The following GAS2L1 variants were observed in gnomAD, a reference collection of about 807,000 sequenced individuals.
GAS2L1 encodes the protein growth arrest specific 2 like 1, also known as GAS2-like protein 1.
In GAS2L1, 26 loss-of-function variants were observed where a neutral mutation model predicts 44.0. That is an observed-to-expected ratio of 0.59 (90% CI 0.43 to 0.82). The LOEUF is 0.82. Ranked by LOEUF, GAS2L1 falls within the 40% of genes least tolerant of loss-of-function variation. The pLI, the probability that GAS2L1 is intolerant of heterozygous loss-of-function variation, is 0.00. For missense variants in GAS2L1, 1,006 were observed against 983.0 expected, an observed-to-expected ratio of 1.02 and a Z score of -0.31; for synonymous variants, 426 against 415.9, an observed-to-expected ratio of 1.02 and a Z score of -0.30.
exon 5 of GAS2L1, chr22:29,312,515 C>G (rs1305604968): frequency 1.0e-5 from 15 of 1,477,706 alleles, no homozygotes; most frequent in Non-Finnish European, 1.4e-5. Context: ...GCTCAGCTGT[C>G]CCCAGACCCC....
intron 1 of GAS2L1, 106 bp downstream of exon 2, chr22:29,308,844 C>T: frequency 3.3e-6 from 3 of 908,364 alleles, no homozygotes; most frequent in Non-Finnish European, 4.7e-6. Context: ...GAACAGTCTG[C>T]CCCACAAAAA....
exon 5 of GAS2L1, chr22:29,311,784 C>G (rs773843884): frequency 5.1e-6 from 8 of 1,565,090 alleles, no homozygotes; most frequent in Non-Finnish European, 6.9e-6. Flanking sequence ...GCAGGCTGTG[C>G]TGCTTGTGCG....
At chr22:29,306,780 G>C (rs57366496), upstream of GAS2L1, 1 of 152,398 alleles carries the variant, frequency 6.6e-6, no homozygotes, top group Non-Finnish European at 1.5e-5. Context: ...GTTGGACGGG[G>C]CCCCGGGTAC....
chr22:29,312,068 C>T (rs769577656), exon 5 of GAS2L1: 11 of 1,612,684 alleles, frequency 6.8e-6, no homozygotes, highest in Non-Finnish European at 8.5e-6. Context: ...CTAGCGTGAC[C>T]CCCACTGGAC....
At chr22:29,311,281 C>G (rs1272138285) in intron 4 of GAS2L1, 181 bp from the exon 6 acceptor site, 3 of 574,018 alleles carry the variant, frequency 5.2e-6, no homozygotes, top group South Asian at 2.3e-5. Context: ...TCTTCCGTGG[C>G]TTTTGGGGCC....
chr22:29,311,484 C>CA lies in GAS2L1; in HGVS notation c.1034dup (p.His345GlnfsTer12). ...CAGGCCCCGGGATCAGCTGCCCCCC[C>CA]ATCCCCGCTCCCGCCGCTACTCCGG... is the stretch of plus-strand genomic sequence containing the variant. On this transcript the variant is annotated frameshift_variant, in exon 5 of 5. Transcript: ENST00000618518. LOFTEE classifies it high-confidence loss of function. 1 of 1,468,736 alleles carries CA rather than the reference C, an allele frequency of 6.8e-7. No individual in the cohort carries two copies. The highest frequency in any genetic ancestry group is 9.2e-7 in the Non-Finnish European group (1 of 1,090,882). The allele number at this position is 1,468,736 out of a possible 1,614,324, so 91.0% of individuals were successfully genotyped here.
At chr22:29,312,532 T>C in exon 5 of GAS2L1, 1 of 1,435,350 alleles carries the variant, frequency 7.0e-7, no homozygotes, top group South Asian at 1.5e-5. Context: ...CCCCATCCCT[T>C]CTCCTTTTCC....
At chr22:29,308,692 G>A (rs753617015) in exon 1 of GAS2L1, 17 of 1,504,610 alleles carry the variant, frequency 1.1e-5, no homozygotes, top group Non-Finnish European at 1.2e-5. Context: ...ACTCCTGCCC[G>A]CGGCCCCCGC....
exon 1 of GAS2L1, chr22:29,308,139 G>A: frequency 1.3e-6 from 2 of 1,567,464 alleles, no homozygotes; most frequent in Non-Finnish European, 1.7e-6. Context: ...CGCGGGCTCG[G>A]CGGCCAAGAG....
At chr22:29,308,301 G>A (rs1301324698) in exon 1 of GAS2L1, 2 of 1,607,742 alleles carry the variant, frequency 1.2e-6, no homozygotes, top group African/African-American at 1.3e-5. Context: ...GTGCCAACAT[G>A]CCAACGCCGT....
intron 4 of GAS2L1, 150 bp from the exon 6 acceptor site, chr22:29,311,312 G>A: frequency 1.7e-6 from 1 of 587,416 alleles, no homozygotes; most frequent in Non-Finnish European, 3.0e-6. Flanking sequence ...GGAGGAAGCT[G>A]CTCACTTCTC....
chr22:29,309,999 G>A (rs1481407489), intron 1 of GAS2L1, among the ~76,000 whole-genome samples: 2 of 152,030 alleles, frequency 1.3e-5, no homozygotes, highest in East Asian at 1.9e-4. Context: ...GTGGTGGCTC[G>A]CACCTGTAAT....
At chr22:29,309,654 G>A (rs1180587390) in intron 1 of GAS2L1, among the ~76,000 whole-genome samples, 1 of 152,196 alleles carries the variant, frequency 6.6e-6, no homozygotes, top group Non-Finnish European at 1.5e-5. Flanking sequence ...TATGTGGTGC[G>A]TGCTCACCCG....
intron 3 of GAS2L1, 40 bp from the exon 5 acceptor site, chr22:29,310,787 G>A (rs2061395596): frequency 3.1e-6 from 5 of 1,606,174 alleles, no homozygotes; most frequent in African/African-American, 1.3e-5. Flanking sequence ...TGCTTCTGTG[G>A]CTCTGTCCCT....
At chr22:29,311,036 G>A (rs1400288280) in intron 4 of GAS2L1, 38 bp downstream of exon 5, 1 of 1,579,712 alleles carries the variant, frequency 6.3e-7, no homozygotes, top group Non-Finnish European at 8.6e-7. Context: ...GGGTCCAGAG[G>A]GTGGGGGGGC....
At chr22:29,311,798 G>A (rs760535378) in exon 5 of GAS2L1, 3 of 1,579,056 alleles carry the variant, frequency 1.9e-6, no homozygotes, top group Non-Finnish European at 2.6e-6. Context: ...TTGTGCGCAG[G>A]GATCGAGACG....
exon 5 of GAS2L1, chr22:29,311,769 G>A (rs375526226): frequency 3.0e-5 from 47 of 1,546,118 alleles, no homozygotes; most frequent in Non-Finnish European, 3.9e-5. Flanking sequence ...CCAGAGCCGC[G>A]AGGAGCAGGC....
chr22:29,312,109 C>T (rs1450332603), exon 5 of GAS2L1: 8 of 1,612,876 alleles, frequency 5.0e-6, no homozygotes, highest in Non-Finnish European at 6.8e-6. Context: ...GCCCCCGACC[C>T]TCCAGCTCCT....
At chr22:29,310,242 CAA>C (rs1400782855) in intron 1 of GAS2L1, 195 bp from the exon 3 acceptor site, 1,410 of 184,700 alleles carry the variant, frequency 7.6e-3, no homozygotes, top group Non-Finnish European at 9.1e-3. Context: ...AACTCCAACT[CAA>C]AAAAAAAAAA....
Sources: gnomAD v4.1 joint callset for allele counts (sites outside exome capture counted in the v4.1 genomes callset) on GRCh38, gnomAD v4.1.1 for gene constraint, MANE v1.5 for transcripts, NCBI Gene and HGNC (gene_info 2026-07-23, HGNC 2026-07-21) for gene names.